ULK4: variants seen among roughly 807,000 people sequenced by gnomAD.
ULK4 encodes unc-51 like kinase 4.
In ULK4, 133 loss-of-function variants were observed where a neutral mutation model predicts 160.6. The observed-to-expected ratio is 0.83, with a 90% CI of 0.72 to 0.96. The LOEUF (loss-of-function observed/expected upper bound fraction) is 0.96, where lower values mean the gene tolerates loss of function less well. Among genes scored for constraint, ULK4 ranks in the 40% least tolerant of loss-of-function variants. ULK4 has a pLI of 0.00. For synonymous variants in ULK4, 534 were observed against 539.8 expected, an observed-to-expected ratio of 0.99 and a Z score of 0.15; for missense variants, 1,580 against 1,499.5, an observed-to-expected ratio of 1.05 and a Z score of -0.89.
intron 8 of ULK4, 156 bp from the exon 9 acceptor site, chr3:41,913,055 A>G (rs1276900379): frequency 9.7e-6 from 6 of 618,854 alleles, no homozygotes; most frequent in Non-Finnish European, 1.7e-5. Flanking sequence ...TATGCTATTA[A>G]CCTCTTTTAG....
chr3:41,435,504 G>C (rs539479079), intron 34 of ULK4, among the ~76,000 whole-genome samples: 1 of 152,300 alleles, frequency 6.6e-6, no homozygotes, highest in East Asian at 1.9e-4. Flanking sequence ...AGATAATATA[G>C]GTGTGGCCCA....
chr3:41,855,525 C>T (rs2125677584), intron 17 of ULK4, among the ~76,000 whole-genome samples: 1 of 152,276 alleles, frequency 6.6e-6, no homozygotes, highest in East Asian at 1.9e-4. Context: ...GTTACTATTG[C>T]CCTGTAATTA....
At chr3:41,270,540 TAC>T (rs2079122664) in intron 35 of ULK4, among the ~76,000 whole-genome samples, 2 of 152,220 alleles carry the variant, frequency 1.3e-5, no homozygotes, top group Non-Finnish European at 2.9e-5. Flanking sequence ...GGGAAGGAAT[TAC>T]CATTTTAAAG....
rs1164870603 is a variant in ULK4 at position 41,317,063 on chromosome 3, A to ATTTTTTTTTTTTTTT, written c.3679-67504_3679-67490dup. On this transcript the variant is annotated intron_variant, in intron 35 of 36. Transcript: ENST00000301831. ...TGATGTAAAATAGGCAATTACATCT[A>ATTTTTTTTTTTTTTT]TTTTTTTTTTTTTTTTTTTTTTTGA... Among the ~76,000 whole-genome samples, 44 of 94,550 alleles carry ATTTTTTTTTTTTTTT rather than the reference A, an allele frequency of 4.7e-4. 3 individuals are homozygous for ATTTTTTTTTTTTTTT. The highest frequency in any genetic ancestry group is 7.3e-4 in the South Asian group (2 of 2,736). 62.0% of individuals were successfully genotyped at this position (94,550 alleles called of 152,430 possible).
chr3:41,790,989 T>C (rs1425642468), intron 20 of ULK4, among the ~76,000 whole-genome samples: 1 of 152,078 alleles, frequency 6.6e-6, no homozygotes, highest in Non-Finnish European at 1.5e-5. Flanking sequence ...ATTTATAACC[T>C]TAATAACAAA....
intron 32 of ULK4, among the ~76,000 whole-genome samples, chr3:41,471,048 AAAC>A (rs1295570723): frequency 1.4e-5 from 2 of 143,894 alleles, no homozygotes; most frequent in Non-Finnish European, 3.1e-5. Flanking sequence ...TTAAACAAAC[AAAC>A]AACAGAACAA....
intron 18 of ULK4, among the ~76,000 whole-genome samples, chr3:41,834,911 G>A (rs1242924330): frequency 6.7e-6 from 1 of 149,620 alleles, no homozygotes; most frequent in Admixed American, 6.6e-5. Flanking sequence ...CAGGCACGGA[G>A]GTGCATACCT....
chr3:41,906,670 A>G (rs1376635633), intron 12 of ULK4, among the ~76,000 whole-genome samples: 1 of 152,194 alleles, frequency 6.6e-6, no homozygotes, highest in African/African-American at 2.4e-5. Context: ...TAGTACTGAT[A>G]CATGCTACAA....
At chr3:41,616,633 G>A (rs1370891192) in intron 30 of ULK4, among the ~76,000 whole-genome samples, 3 of 152,284 alleles carry the variant, frequency 2.0e-5, no homozygotes, top group Admixed American at 1.3e-4. Context: ...TTTTCAATCT[G>A]CAGATCAGGA....
intron 17 of ULK4, among the ~76,000 whole-genome samples, chr3:41,866,392 G>A (rs1696882969): frequency 6.6e-6 from 1 of 152,186 alleles, no homozygotes; most frequent in South Asian, 2.1e-4. Flanking sequence ...ATTTTTCCAT[G>A]GACCAGGGTT....
chr3:41,789,506 G>C, intron 21 of ULK4, 155 bp downstream of exon 21: 1 of 585,882 alleles, frequency 1.7e-6, no homozygotes, highest in Non-Finnish European at 2.7e-6. Flanking sequence ...AACATGTTCA[G>C]ATGAACATTC....
At chr3:41,485,650 T>C (rs890048183) in intron 32 of ULK4, among the ~76,000 whole-genome samples, 3 of 152,216 alleles carry the variant, frequency 2.0e-5, no homozygotes, top group African/African-American at 7.2e-5. Context: ...TAGCTGATGT[T>C]GCGGGAGGTG....
rs537842940 is a variant in ULK4, at chr3:41,902,588, G to GA, written c.1183-1760dup. 9.8e-3 allele frequency among the ~76,000 whole-genome samples: 931 copies of GA among 94,756 alleles called. 7 individuals are homozygous for GA. Among genetic ancestry groups the GA allele is most frequent in the African/African-American group, 0.029 (793 of 27,406 alleles). 62.2% of individuals were successfully genotyped at this position (94,756 alleles called of 152,430 possible). A position where few individuals can be genotyped will look rare whatever the true frequency, so the allele number is the denominator to read the frequency against. ...GCGAGACTCCACCAAAAAAAAAAAA[G>GA]AAAAAAAAAAAAAAGGCCCACAAAG... On this transcript the variant is annotated intron_variant, in intron 12 of 36. Transcript: ENST00000301831.
chr3:41,470,542 A>G (rs574484401), intron 32 of ULK4, among the ~76,000 whole-genome samples: 3 of 152,342 alleles, frequency 2.0e-5, no homozygotes, highest in African/African-American at 7.2e-5. Flanking sequence ...CAATGGTATA[A>G]GTAATACAAA....
intron 35 of ULK4, among the ~76,000 whole-genome samples, chr3:41,279,254 G>GAAAAAAAAAAAAAAAAA (rs2079295716): frequency 3.7e-5 from 2 of 54,182 alleles, no homozygotes; most frequent in Admixed American, 1.7e-4. Flanking sequence ...GAAAAAAAGA[G>GAAAAAAAAAAAAAAAAA]TAAAAAAAAA....
intron 34 of ULK4, among the ~76,000 whole-genome samples, chr3:41,426,578 C>T (rs2082781385): frequency 6.6e-6 from 1 of 152,180 alleles, no homozygotes; most frequent in Admixed American, 6.5e-5. Context: ...TCTCTGACCA[C>T]AGTGCAATCA....
intron 18 of ULK4, among the ~76,000 whole-genome samples, chr3:41,821,512 T>C (rs953050756): frequency 2.6e-5 from 4 of 152,216 alleles, no homozygotes; most frequent in Non-Finnish European, 5.9e-5. Context: ...TTCTGCCCAA[T>C]GGTTATAACA....
intron 32 of ULK4, among the ~76,000 whole-genome samples, chr3:41,552,290 G>A (rs2125579581): frequency 6.6e-6 from 1 of 152,018 alleles, no homozygotes; most frequent in South Asian, 2.1e-4. Flanking sequence ...GAAATAAAAA[G>A]CATCCAAACA....
rs1290621015 is a variant in ULK4, at chr3:41,932,125, G to A, written c.379-119C>T. 27 of 802,634 alleles carry A rather than the reference G, an allele frequency of 3.4e-5. No homozygotes were observed. The Admixed American group carries it at 4.6e-4, about 14-fold the overall frequency. The allele number at this position is 802,634 out of a possible 1,614,324, so 49.7% of individuals were successfully genotyped here. On this transcript the variant is annotated intron_variant, in intron 4 of 36. Coordinates refer to ENST00000301831, the MANE Select transcript of ULK4 (RefSeq NM_017886.4). ...CATTGCTATTCTTTATCAGAACTCA[G>A]AAAAATAAATGCTTATAATTTTTTT...
Sources: gnomAD v4.1 joint callset for allele counts (sites outside exome capture counted in the v4.1 genomes callset) on GRCh38, gnomAD v4.1.1 for gene constraint, MANE v1.5 for transcripts, NCBI Gene and HGNC (gene_info 2026-07-23, HGNC 2026-07-21) for gene names.